Variants in GABRR1 observed in about 807,000 individuals in gnomAD.
The protein encoded by GABRR1 is gamma-aminobutyric acid receptor subunit rho-1.
GABRR1 carries 59 observed loss-of-function variants against 55.5 expected under a neutral mutation model. The observed-to-expected ratio is 1.06, with a 90% confidence interval of 0.86 to 1.32. The LOEUF is 1.32. GABRR1 is among the 40% of genes most tolerant of loss of function. The pLI, the probability that GABRR1 is intolerant of heterozygous loss-of-function variation, is 0.00. For missense variants in GABRR1, 602 were observed against 619.1 expected (o/e 0.97, Z 0.29); for synonymous variants, 213 against 226.0 (o/e 0.94, Z 0.51).
rs141698776 is a variant in GABRR1, at chr6:89,222,926, G to A, written c.-410-1480C>T. Among the ~76,000 whole-genome samples the A allele has an allele frequency of 1.5e-3, 232 of 152,242 alleles. 1 individual carries two copies. Among genetic ancestry groups the A allele is most frequent in the African/African-American group, 4.9e-3 (205 of 41,532 alleles). On this transcript the variant is annotated intron_variant, in intron 1 of 11. Transcript: ENST00000369451. ...CTGTGGTGCCAAGGATCAATAGACC[G>A]TTAAACTATGACGTTTTGATAGCAG... is the stretch of plus-strand genomic sequence containing the variant.
chr6:89,198,467 G>C (rs1772370822), intron 4 of GABRR1, among the ~76,000 whole-genome samples: 1 of 151,900 alleles, frequency 6.6e-6, no homozygotes, highest in African/African-American at 2.4e-5. Context: ...GGAGCAGACA[G>C]TGTAAGTGTG....
Position 89,182,046 on chromosome 6 carries a change from G to T in GABRR1, c.808C>A (p.Arg270Ser). Residue 270 changes from arginine (R) to serine (S), a missense_variant, in exon 8 of 10, where the codon CGT becomes AGT. By Grantham distance (110) the Arg-to-Ser change is moderately radical (BLOSUM62 -1). Coordinates refer to ENST00000454853, the MANE Select transcript of GABRR1 (RefSeq NM_002042.5). ...AFYSSTGWYN[R>S]LYINFTLRRH... Reference sequence around the variant, plus strand: ...CGCAACGTGAAATTAATGTAGAGACGGTTGTACCAGCCTGGGGGACACAGG... The same window carrying T: ...CGCAACGTGAAATTAATGTAGAGACTGTTGTACCAGCCTGGGGGACACAGG... 2 of 1,613,980 alleles carry T rather than the reference G, an allele frequency of 1.2e-6. No homozygotes were observed. The highest frequency in any genetic ancestry group is 4.5e-5 in the East Asian group (2 of 44,882).
At chr6:89,195,461 TC>T (rs1233427690) in intron 5 of GABRR1, among the ~76,000 whole-genome samples, 1 of 147,800 alleles carries the variant, frequency 6.8e-6, no homozygotes, top group Non-Finnish European at 1.5e-5. Context: ...AGACTCCGTC[TC>T]CAAAAAAAAA....
Position 89,186,922 on chromosome 6 carries a change from C to T in GABRR1, c.656-1472G>A, listed in dbSNP as rs189234686. ...GTGTGATGTCAATGTCCCTGCACTC[C>T]TTGGTCCCAGATGATTGGAGCCAGG... is the stretch of plus-strand genomic sequence containing the variant. On this transcript the variant is annotated intron_variant, in intron 6 of 9. Coordinates refer to ENST00000454853, the MANE Select transcript of GABRR1 (RefSeq NM_002042.5). Among the ~76,000 whole-genome samples the T allele has an allele frequency of 5.0e-4, 76 of 152,340 alleles. No homozygotes were observed. The East Asian group carries it at 6.7e-3, about 14-fold the overall frequency.
intron 1 of GABRR1, among the ~76,000 whole-genome samples, chr6:89,209,164 C>T (rs966170105): frequency 1.3e-5 from 2 of 151,964 alleles, no homozygotes; most frequent in African/African-American, 2.4e-5. Context: ...AAAAAAATCT[C>T]AGCCTAGATC....
chr6:89,203,145 G>C (rs937895376), intron 2 of GABRR1, among the ~76,000 whole-genome samples: 2 of 152,232 alleles, frequency 1.3e-5, no homozygotes, highest in African/African-American at 4.8e-5. Context: ...CCCAGGGAAA[G>C]AATTGGAACC....
chr6:89,223,749 G>A (rs1428277906), intron 1 of GABRR1, among the ~76,000 whole-genome samples: 1 of 150,480 alleles, frequency 6.6e-6, no homozygotes, highest in African/African-American at 2.4e-5. Flanking sequence ...GCAGGAGTAA[G>A]GTGGTATTGC....
intron 5 of GABRR1, among the ~76,000 whole-genome samples, chr6:89,196,828 A>AAAG (rs768965987): frequency 4.5e-5 from 4 of 88,708 alleles, no homozygotes; most frequent in African/African-American, 2.0e-4. Flanking sequence ...AGAAGGAAAG[A>AAAG]AAGAAAGAAA....
At chr6:89,198,851 C>T (rs1298792599) in intron 4 of GABRR1, among the ~76,000 whole-genome samples, 1 of 152,100 alleles carries the variant, frequency 6.6e-6, no homozygotes, top group Non-Finnish European at 1.5e-5. Context: ...TATACTTATG[C>T]TTGTGACTGC....
chr6:89,199,268 T>C, intron 4 of GABRR1, 94 bp downstream of exon 4: 1 of 1,116,650 alleles, frequency 9.0e-7, no homozygotes, highest in South Asian at 1.3e-5. Context: ...CCAGGGCAGT[T>C]GTGAGACTAA....
At chr6:89,192,293 C>T (rs779407523) in intron 5 of GABRR1, among the ~76,000 whole-genome samples, 13 of 152,096 alleles carry the variant, frequency 8.5e-5, no homozygotes, top group Non-Finnish European at 1.8e-4. Context: ...GTTCACCCAC[C>T]GTCCTCTCCA....
rs559843626 is a variant in GABRR1, at chr6:89,192,294, G to A, written c.573-2047C>T. ...TTCTCCAGCTCTTGGTTCACCCACCGTCCTCTCCACATACACTCACAGATA... is the reference window on the plus strand; with the variant it reads ...TTCTCCAGCTCTTGGTTCACCCACCATCCTCTCCACATACACTCACAGATA... On this transcript the variant is annotated intron_variant, in intron 5 of 9. Transcript: ENST00000454853. 2.2e-4 allele frequency among the ~76,000 whole-genome samples: 34 copies of A among 152,056 alleles called. 1 individual carries two copies. In the East Asian group the frequency reaches 3.3e-3, roughly 15 times the overall value.
chr6:89,228,959 A>G (rs1773239866), intron 1 of GABRR1, among the ~76,000 whole-genome samples: 1 of 148,944 alleles, frequency 6.7e-6, no homozygotes, highest in Admixed American at 6.7e-5. Context: ...TATTGGGTGC[A>G]TATATATTTA....
At chr6:89,206,230 T>C (rs1233771930) in intron 1 of GABRR1, among the ~76,000 whole-genome samples, 1 of 107,808 alleles carries the variant, frequency 9.3e-6, no homozygotes, top group Admixed American at 9.2e-5. Flanking sequence ...GGAATGAAAA[T>C]CACAATTATG....
chr6:89,181,830 A>G, intron 8 of GABRR1, 75 bp downstream of exon 8: 3 of 1,386,236 alleles, frequency 2.2e-6, no homozygotes, highest in Non-Finnish European at 2.9e-6. Flanking sequence ...TTTGAAAAGA[A>G]TGGTTTTATC....
At chr6:89,214,835 G>C (rs1307206962) in intron 1 of GABRR1, among the ~76,000 whole-genome samples, 1 of 151,918 alleles carries the variant, frequency 6.6e-6, no homozygotes, top group African/African-American at 2.4e-5. Flanking sequence ...GACCAGCCTG[G>C]GCAACATAGT....
chr6:89,193,531 A>G (rs1204247453), intron 5 of GABRR1, among the ~76,000 whole-genome samples: 1 of 152,152 alleles, frequency 6.6e-6, no homozygotes, highest in African/African-American at 2.4e-5. Flanking sequence ...TTCTGAACAT[A>G]CAAAAGATTT....
intron 1 of GABRR1, among the ~76,000 whole-genome samples, chr6:89,225,419 C>A (rs1270131844): frequency 1.7e-5 from 2 of 118,444 alleles, no homozygotes; most frequent in Admixed American, 8.8e-5. Flanking sequence ...CCCCCCTCCC[C>A]CCACCCCACC....
In GABRR1 at chr6:89,203,466, C is replaced by G. The variant is rs781402877; in HGVS notation, c.142G>C (p.Glu48Gln). 2 of 1,613,402 alleles carry G rather than the reference C, an allele frequency of 1.2e-6. No homozygotes were observed. The highest frequency in any genetic ancestry group is 1.7e-6 in the Non-Finnish European group (2 of 1,179,388). The change falls in exon 2 of 10, where the codon GAA (glutamate) becomes CAA (glutamine). Residue 48 changes from glutamate (E) to glutamine (Q), a missense_variant. Around this residue, in one of 3 missense-constraint regions of GABRR1, gnomAD observed 435 missense variants for 424.2 expected, o/e 1.03. Coordinates refer to ENST00000454853, the MANE Select transcript of GABRR1 (RefSeq NM_002042.5). ...TGCTTGTGGGCATCTTCATGTACTT[C>G]TCGTCTTTGTCTTTGGGGCCTACCA... ...KKGRPQRQRR[E>Q]VHEDAHKQVS...
Sources: allele counts gnomAD v4.1 joint callset (sites outside exome capture counted in the v4.1 genomes callset), GRCh38; gene constraint gnomAD v4.1.1; regional missense constraint gnomAD v4.1.1; transcripts MANE v1.5; gene names NCBI Gene and HGNC (gene_info 2026-07-23, HGNC 2026-07-21).